SIRT3: variants seen among roughly 807,000 people sequenced by gnomAD.
SIRT3 encodes the protein sirtuin 3, also known as NAD-dependent protein deacetylase sirtuin-3, mitochondrial.
SIRT3 carries 26 observed loss-of-function variants against 33.5 expected under a neutral mutation model. The observed-to-expected ratio is 0.78, with a 90% confidence interval of 0.57 to 1.08. The LOEUF is 1.08. Ranked by LOEUF, SIRT3 falls within the 50% of genes least tolerant of loss-of-function variation. The pLI is 0.00. For missense variants in SIRT3, 585 were observed against 530.1 expected, an observed-to-expected ratio of 1.10 and a Z score of -1.02; for synonymous variants, 237 against 222.1, an observed-to-expected ratio of 1.07 and a Z score of -0.60.
chr11:216,624 G>A lies in SIRT3; in HGVS notation c.*74C>T. The A allele has an allele frequency of 1.3e-6, 2 of 1,556,724 alleles. No homozygotes were observed. Among genetic ancestry groups the A allele is most frequent in the South Asian group, 2.2e-5 (2 of 89,500 alleles). The stretch of plus-strand genomic sequence containing the variant: ...TTTCACCTGCCCAAGCTGTCTTCAG[G>A]CATGAGGTCTTGTCAGAATTGGGAT... On this transcript the variant is annotated 3_prime_UTR_variant, in exon 7 of 7. Coordinates refer to ENST00000382743, the MANE Select transcript of SIRT3 (RefSeq NM_012239.6).
intron 3 of SIRT3, 36 bp from the exon 4 acceptor site, chr11:230,588 C>A: frequency 7.0e-7 from 1 of 1,422,860 alleles, no homozygotes; most frequent in Non-Finnish European, 9.4e-7. Flanking sequence ...TTGCTGCCGC[C>A]TCCGAGATGA....
rs144698574 is a variant in SIRT3 at position 234,921 on chromosome 11, G to A, written c.281+1127C>T. ...AGACGGAGTTTTTGCTCTTTCGCCC[G>A]GGCTGGAGTGCAATGGTGCCATCTC... is the stretch of plus-strand genomic sequence containing the variant. On this transcript the variant is annotated intron_variant, in intron 1 of 6. Transcript: ENST00000382743. Among the ~76,000 whole-genome samples, 480 of 150,858 alleles carry A rather than the reference G, an allele frequency of 3.2e-3. 1 individual carries two copies. Among genetic ancestry groups the A allele is most frequent in the Middle Eastern group, 6.8e-3 (2 of 292 alleles).
At position 236,337 on chromosome 11, in the gene SIRT3, C is replaced by A. The variant is rs147924046; in HGVS notation, c.-9G>T. ...CAACCCCAGAACGCCATGTTCCGCGCAGTCCAAGGAGTCCTCCGGACTCGC... is the reference window on the plus strand; with the variant it reads ...CAACCCCAGAACGCCATGTTCCGCGAAGTCCAAGGAGTCCTCCGGACTCGC... On this transcript the variant is annotated 5_prime_UTR_variant, in exon 1 of 7. Coordinates refer to ENST00000382743, the MANE Select transcript of SIRT3 (RefSeq NM_012239.6). 1.3e-5 allele frequency: 18 copies of A among 1,385,586 alleles called. No homozygotes were observed. The highest frequency in any genetic ancestry group is 1.6e-5 in the Non-Finnish European group (17 of 1,071,642). The allele number at this position is 1,385,586 out of a possible 1,614,324, so 85.8% of individuals were successfully genotyped here.
chr11:236,885 A>C, upstream of SIRT3: 1 of 640,166 alleles, frequency 1.6e-6, no homozygotes, highest in Non-Finnish European at 2.8e-6. Flanking sequence ...GAGCGCAGAG[A>C]CGCGCTGTAA....
chr11:226,244 C>T (rs1293418508), intron 4 of SIRT3, among the ~76,000 whole-genome samples: 1 of 151,900 alleles, frequency 6.6e-6, no homozygotes, highest in East Asian at 1.9e-4. Flanking sequence ...CTGTTTAGCC[C>T]TTAGTGAAGA....
rs755367349 is a variant in SIRT3, at chr11:219,007, C to T, written c.1004G>A (p.Arg335Gln). ...EPFASLTEAVRSSVPRLLINR... is the reference protein window; with the variant it reads ...EPFASLTEAVQSSVPRLLINR... ...GATGAGCAGTCGGGGAACTGAGCTC[C>T]GCACGGCCTCGGTCAAGCTGGCAAA... The change falls in exon 6 of 7, where the codon CGG becomes CAG. Residue 335 changes from arginine to glutamine, a missense_variant. Transcript: ENST00000382743. The T allele has an allele frequency of 6.2e-6, 10 of 1,613,962 alleles. No homozygotes were observed. In the East Asian group the frequency reaches 1.1e-4, roughly 18 times the overall value.
rs148849482 is a variant in SIRT3 at position 233,711 on chromosome 11, G to A, written c.282-177C>T. ...GACGACTATTGGGGTACAACAAAAA[G>A]CAGTCATAAATCAGAAATCAAGACT... On this transcript the variant is annotated intron_variant, in intron 1 of 6. Coordinates refer to ENST00000382743, the MANE Select transcript of SIRT3 (RefSeq NM_012239.6). 31 of 626,708 alleles carry A rather than the reference G, an allele frequency of 4.9e-5. No homozygotes were observed. The South Asian group carries it at 6.4e-4, about 13-fold the overall frequency. The allele number at this position is 626,708 out of a possible 1,614,324, so 38.8% of individuals were successfully genotyped here.
At chr11:233,600 G>T in intron 1 of SIRT3, 66 bp from the exon 2 acceptor site, 1 of 1,522,486 alleles carries the variant, frequency 6.6e-7, no homozygotes, top group Non-Finnish European at 9.0e-7. Context: ...GCAAGAACGA[G>T]CATGGCTCTG....
In SIRT3 at chr11:233,425, G is replaced by A; in HGVS notation, c.391C>T (p.Leu131=). 6.2e-7 allele frequency: 1 copy of A among 1,613,938 alleles called. No individual in the cohort carries two copies. Among genetic ancestry groups the A allele is most frequent in the Non-Finnish European group, 8.5e-7 (1 of 1,179,982 alleles). ...CTCTGGCAGGCTCTGGCCCGAATCA[G>A]CTCAGCTACATCCTGCAGGGAAAGC... ...GKLSLQDVAE[L]IRARACQRVV... The change falls in exon 2 of 7, where the codon CTG becomes TTG. Residue 131 remains leucine (L), a synonymous_variant. Coordinates refer to ENST00000382743, the MANE Select transcript of SIRT3 (RefSeq NM_012239.6).
At position 223,495 on chromosome 11, in the gene SIRT3, C is replaced by T. The variant is rs1590136754; in HGVS notation, c.969+583G>A. ...CACTCTCCACTCCCCAAAGGCCTCCCTGACCCCAAGGGTGCAGCTACGTCC... is the reference window on the plus strand; with the variant it reads ...CACTCTCCACTCCCCAAAGGCCTCCTTGACCCCAAGGGTGCAGCTACGTCC... On this transcript the variant is annotated intron_variant, in intron 5 of 6. Coordinates refer to ENST00000382743, the MANE Select transcript of SIRT3 (RefSeq NM_012239.6). This position sits in a 1 kb window ranked among gnomAD's most constrained non-coding sequence, Gnocchi z 4.8. The T allele has an allele frequency of 3.1e-6, 1 of 320,456 alleles. No homozygotes were observed. The highest frequency in any genetic ancestry group is 6.2e-6 in the Non-Finnish European group (1 of 162,582). The allele number at this position is 320,456 out of a possible 1,614,324, so 19.9% of individuals were successfully genotyped here.
rs758962158 is a variant in SIRT3, at chr11:218,945, G to A, written c.1066C>T (p.Arg356Cys). 3.5e-5 allele frequency: 56 copies of A among 1,614,028 alleles called. No individual in the cohort carries two copies. Among genetic ancestry groups the A allele is most frequent in the East Asian group, 1.8e-4 (8 of 44,896 alleles). The change falls in exon 6 of 7, where the codon CGC becomes TGC. Residue 356 changes from arginine to cysteine, a missense_variant. Physicochemically the swap from Arg to Cys is radical, Grantham distance 180 (BLOSUM62 -3). Coordinates refer to ENST00000382743, the MANE Select transcript of SIRT3 (RefSeq NM_012239.6). ...CCCAGCTGGGCCACGTCCCTGCTGC[G>A]AGGATGCCAAGCCAAGGGCCCCACC... ...DLVGPLAWHP[R>C]SRDVAQLGDV... is the part of the protein sequence containing the mutation.
At position 216,701 on chromosome 11, in the gene SIRT3, T is replaced by C. The variant is rs199833807; in HGVS notation, c.1197A>G (p.Lys399=). The C allele has an allele frequency of 3.1e-4, 508 of 1,613,980 alleles. 1 individual carries two copies. Among genetic ancestry groups the C allele is most frequent in the Non-Finnish European group, 4.0e-4 (476 of 1,179,980 alleles). The change falls in exon 7 of 7, where the codon AAA becomes AAG. Residue 399 remains lysine, a synonymous_variant. Transcript: ENST00000382743. ...RETGKLDGPD[K] ...TTGTGTGGGGGCAGCCATCATCCTATTTGTCTGGTCCATCAAGCTGGAATA... is the reference window on the plus strand; with the variant it reads ...TTGTGTGGGGGCAGCCATCATCCTACTTGTCTGGTCCATCAAGCTGGAATA...
rs746802874 is a variant in SIRT3, at chr11:233,378, G to T, written c.438C>A (p.Ala146=). The change falls in exon 2 of 7, where the codon GCC becomes GCA. Residue 146 remains alanine, a synonymous_variant. Coordinates refer to ENST00000382743, the MANE Select transcript of SIRT3 (RefSeq NM_012239.6). ...GAATGCCACTGGGTGTGCTGATGCC[G>T]GCCCCCACCATGACCACCACCCTCT... is the stretch of plus-strand genomic sequence containing the variant. ...ACQRVVVMVG[A]GISTPSGIPD... is the part of the protein sequence containing the mutation. 6.2e-7 allele frequency: 1 copy of T among 1,610,866 alleles called. No homozygotes were observed. The highest frequency in any genetic ancestry group is 1.3e-5 in the African/African-American group (1 of 74,846).
intron 6 of SIRT3, among the ~76,000 whole-genome samples, chr11:217,974 G>T (rs1414306435): frequency 2.6e-5 from 4 of 152,206 alleles, no homozygotes; most frequent in African/African-American, 9.7e-5. Context: ...ATAAAGGGCA[G>T]TTCCCCCGCA....
At chr11:229,466 T>C (rs1367667648) in intron 4 of SIRT3, among the ~76,000 whole-genome samples, 2 of 149,362 alleles carry the variant, frequency 1.3e-5, no homozygotes, top group Non-Finnish European at 3.0e-5. Flanking sequence ...ACAAAAAAGT[T>C]AAACATGGGC....
Position 236,287 on chromosome 11 carries a change from C to A in SIRT3, c.42G>T (p.Leu14=), listed in dbSNP as rs201755310. Residue 14 remains leucine, a synonymous_variant, in exon 1 of 7, where the codon CTG becomes CTT. Transcript: ENST00000382743. ...WGWRAAAALR[L]WGRVVERVEA... ...CGACCCGTTCAACTACCCGGCCCCA[C>A]AGCCGGAGGGCTGCCGCGGCGCGCC... 2 of 1,535,212 alleles carry A rather than the reference C, an allele frequency of 1.3e-6. No homozygotes were observed. The highest frequency in any genetic ancestry group is 1.4e-5 in the African/African-American group (1 of 72,104).
At chr11:236,874 G>T (rs867373874), upstream of SIRT3, 41 of 621,860 alleles carry the variant, frequency 6.6e-5, no homozygotes, top group South Asian at 7.5e-4. Context: ...AGTTTTGTCC[G>T]GAGCGCAGAG....
At position 216,680 on chromosome 11, in the gene SIRT3, GT is replaced by G; in HGVS notation, c.*17del. On this transcript the variant is annotated 3_prime_UTR_variant, in exon 7 of 7. Transcript: ENST00000382743. Reference sequence around the variant, plus strand: ...TGTCTCCTATGTTACCATTTATTGTGTGGGGGCAGCCATCATCCTATTTGTC... The same window carrying G: ...TGTCTCCTATGTTACCATTTATTGTGGGGGGCAGCCATCATCCTATTTGTC... 6.2e-7 allele frequency: 1 copy of G among 1,613,828 alleles called. No homozygotes were observed. The highest frequency in any genetic ancestry group is 8.5e-7 in the Non-Finnish European group (1 of 1,179,764).
chr11:236,292 G>A lies in SIRT3; in HGVS notation c.37C>T (p.Arg13Trp), dbSNP rs750513427. The A allele has an allele frequency of 6.5e-7, 1 of 1,530,200 alleles. No individual in the cohort carries two copies. Among genetic ancestry groups the A allele is most frequent in the Non-Finnish European group, 8.7e-7 (1 of 1,145,584 alleles). The allele number at this position is 1,530,200 out of a possible 1,614,324, so 94.8% of individuals were successfully genotyped here. The stretch of plus-strand genomic sequence containing the variant: ...CGTTCAACTACCCGGCCCCACAGCC[G>A]GAGGGCTGCCGCGGCGCGCCAACCC... ...FWGWRAAAAL[R>W]LWGRVVERVE... is the part of the protein sequence containing the mutation. The change falls in exon 1 of 7, where the codon CGG (arginine) becomes TGG (tryptophan). Residue 13 changes from arginine to tryptophan, a missense_variant. By Grantham distance (101) the Arg-to-Trp change is moderately radical. Transcript: ENST00000382743.
Sources: allele counts gnomAD v4.1 joint callset (sites outside exome capture counted in the v4.1 genomes callset), GRCh38; gene constraint gnomAD v4.1.1; non-coding constraint Gnocchi (gnomAD v3.1); transcripts MANE v1.5; gene names NCBI Gene and HGNC (gene_info 2026-07-23, HGNC 2026-07-21).